RAB8B: variants seen among roughly 807,000 people sequenced by gnomAD.
RAB8B encodes the protein ras-related protein Rab-8B.
RAB8B carries 11 observed loss-of-function variants against 32.0 expected under a neutral mutation model. The observed-to-expected ratio is 0.34, with a 90% CI of 0.22 to 0.57. The LOEUF (loss-of-function observed/expected upper bound fraction) is 0.57, where lower values mean the gene tolerates loss of function less well. Among genes scored for constraint, RAB8B ranks in the 20% least tolerant of loss-of-function variants. The pLI is 0.86. For synonymous variants in RAB8B, 103 were observed against 89.6 expected (o/e 1.15, Z -0.85); for missense variants, 190 against 258.5 (o/e 0.73, Z 1.82).
rs1217220656 is a variant in RAB8B, at chr15:63,266,475, G to C, written c.*2856G>C. 6.6e-6 allele frequency: 1 copy of C among 152,486 alleles called. No individual in the cohort carries two copies. Among genetic ancestry groups the C allele is most frequent in the Non-Finnish European group, 1.5e-5 (1 of 67,956 alleles). 9.4% of individuals were successfully genotyped at this position (152,486 alleles called of 1,614,324 possible). A position where few individuals can be genotyped will look rare whatever the true frequency, so the allele number is the denominator to read the frequency against. On this transcript the variant is annotated 3_prime_UTR_variant, in exon 8 of 8. Coordinates refer to ENST00000321437, the MANE Select transcript of RAB8B (RefSeq NM_016530.3). ...TACAGAAACATTTTGTGCAGTCTTT[G>C]TTATAAATTTTCAGAAGACTATACT...
Position 63,263,942 on chromosome 15 carries a change from C to A in RAB8B, c.*323C>A. On this transcript the variant is annotated 3_prime_UTR_variant, in exon 8 of 8. Coordinates refer to ENST00000321437, the MANE Select transcript of RAB8B (RefSeq NM_016530.3). ...CAGTGTTAGCCTTTCCCTATTTCAG[C>A]ACAATCTTAGACTCATATTTGCACA... is the stretch of plus-strand genomic sequence containing the variant. 1 of 225,204 alleles carries A rather than the reference C, an allele frequency of 4.4e-6. No individual in the cohort carries two copies. The highest frequency in any genetic ancestry group is 1.0e-4 in the East Asian group (1 of 9,996). The allele number at this position is 225,204 out of a possible 1,614,324, so 14.0% of individuals were successfully genotyped here.
chr15:63,191,408 G>C (rs192319805), intron 1 of RAB8B, among the ~76,000 whole-genome samples: 5 of 152,184 alleles, frequency 3.3e-5, no homozygotes, highest in Admixed American at 6.5e-5. Flanking sequence ...AAAATCTCCT[G>C]GGTGTTATGA....
At chr15:63,243,284 T>C (rs11852328) in intron 1 of RAB8B, among the ~76,000 whole-genome samples, 138,282 of 152,264 alleles carry the variant, frequency 0.91, 63,543 homozygotes, top group East Asian at 1. Context: ...AGTACTGGTC[T>C]GTGGCCCAGG....
chr15:63,253,390 G>A (rs910933748), intron 3 of RAB8B, among the ~76,000 whole-genome samples: 7 of 152,124 alleles, frequency 4.6e-5, no homozygotes, highest in African/African-American at 1.7e-4. Context: ...AGCCAGACCT[G>A]GAAGGACTTC....
chr15:63,225,164 T>C (rs1457402560), intron 1 of RAB8B, among the ~76,000 whole-genome samples: 3 of 152,238 alleles, frequency 2.0e-5, no homozygotes, highest in African/African-American at 7.2e-5. Context: ...GCAGCTGCAC[T>C]ACCAAAGTTT....
chr15:63,249,637 T>C lies in RAB8B; in HGVS notation c.186-8T>C, dbSNP rs1300712952. On this transcript the variant is annotated splice_region_variant and splice_polypyrimidine_tract_variant and intron_variant, in intron 2 of 7. Coordinates refer to ENST00000321437, the MANE Select transcript of RAB8B (RefSeq NM_016530.3). ...TCAAAAACCACTCTCCTTTGTTTCA[T>C]ATTTTAGGGACACAGCGGGTCAGGA... is the stretch of plus-strand genomic sequence containing the variant. 2.5e-6 allele frequency: 4 copies of C among 1,613,480 alleles called. No homozygotes were observed. The highest frequency in any genetic ancestry group is 3.4e-6 in the Non-Finnish European group (4 of 1,179,580).
At chr15:63,192,054 G>A (rs1049936560) in intron 1 of RAB8B, among the ~76,000 whole-genome samples, 2 of 152,260 alleles carry the variant, frequency 1.3e-5, no homozygotes, top group East Asian at 3.9e-4. Context: ...TGACATCTTG[G>A]TCTTTATATT....
chr15:63,267,587 T>C lies in RAB8B; in HGVS notation c.*3968T>C, dbSNP rs1289887531. 1.3e-5 allele frequency: 2 copies of C among 152,196 alleles called. No homozygotes were observed. Among genetic ancestry groups the C allele is most frequent in the Non-Finnish European group, 1.5e-5 (1 of 68,034 alleles). The allele number at this position is 152,196 out of a possible 1,614,324, so 9.4% of individuals were successfully genotyped here. ...ATGTTTAAACATATTTTATTTTTGC[T>C]CCAATGGCTTAATGTGAAAAGCTCC... is the stretch of plus-strand genomic sequence containing the variant. On this transcript the variant is annotated 3_prime_UTR_variant, in exon 8 of 8. Coordinates refer to ENST00000321437, the MANE Select transcript of RAB8B (RefSeq NM_016530.3).
intron 4 of RAB8B, among the ~76,000 whole-genome samples, chr15:63,255,978 C>A (rs2038155902): frequency 6.6e-6 from 1 of 152,194 alleles, no homozygotes; most frequent in African/African-American, 2.4e-5. Context: ...TATCTCTTTA[C>A]CTTGGCAACT....
intron 3 of RAB8B, among the ~76,000 whole-genome samples, chr15:63,250,179 A>G (rs1020279030): frequency 1.3e-5 from 2 of 152,228 alleles, no homozygotes; most frequent in Non-Finnish European, 2.9e-5. Flanking sequence ...TAGCAACTAT[A>G]TACTTTGCCA....
In RAB8B at chr15:63,241,556, G is replaced by A. The variant is rs115382246; in HGVS notation, c.125-3200G>A. On this transcript the variant is annotated intron_variant, in intron 1 of 7. Transcript: ENST00000321437. ...GTTCACACTGTGGTGCAACTGATCC[G>A]TAGAACTATTTCATCTTGCAAATCT... Among the ~76,000 whole-genome samples, 826 of 152,210 alleles carry A rather than the reference G, an allele frequency of 5.4e-3. 8 individuals are homozygous for A. Among genetic ancestry groups the A allele is most frequent in the African/African-American group, 0.018 (759 of 41,522 alleles).
intron 1 of RAB8B, among the ~76,000 whole-genome samples, chr15:63,244,002 GT>G (rs1244481456): frequency 1.3e-5 from 2 of 152,144 alleles, no homozygotes; most frequent in Non-Finnish European, 2.9e-5. Context: ...ACTCACTCCT[GT>G]GATAAGGACA....
At chr15:63,211,424 ATC>A (rs2037745593) in intron 1 of RAB8B, among the ~76,000 whole-genome samples, 1 of 152,208 alleles carries the variant, frequency 6.6e-6, no homozygotes, top group Non-Finnish European at 1.5e-5. Flanking sequence ...TGTGTTCACC[ATC>A]TCTCTCATTG....
intron 1 of RAB8B, among the ~76,000 whole-genome samples, chr15:63,223,488 C>T (rs1284364076): frequency 6.6e-6 from 1 of 152,108 alleles, no homozygotes; most frequent in Non-Finnish European, 1.5e-5. Flanking sequence ...AAATACTTAC[C>T]ATTGTGTTAC....
chr15:63,249,302 G>A (rs981134742), intron 2 of RAB8B, among the ~76,000 whole-genome samples: 3 of 152,098 alleles, frequency 2.0e-5, no homozygotes, highest in Non-Finnish European at 4.4e-5. Flanking sequence ...TAACTATCTC[G>A]GGGAGTCGAA....
intron 1 of RAB8B, among the ~76,000 whole-genome samples, chr15:63,235,867 G>T (rs1344538439): frequency 6.6e-6 from 1 of 151,706 alleles, no homozygotes; most frequent in East Asian, 1.9e-4. Flanking sequence ...TACTCTACTT[G>T]TATACCAAGG....
At chr15:63,227,594 C>A (rs1403004648) in intron 1 of RAB8B, among the ~76,000 whole-genome samples, 1 of 152,108 alleles carries the variant, frequency 6.6e-6, no homozygotes, top group Non-Finnish European at 1.5e-5. Flanking sequence ...GGTTGTTTTC[C>A]TCAACCGTTC....
At chr15:63,227,273 A>G (rs750346282) in intron 1 of RAB8B, among the ~76,000 whole-genome samples, 3 of 152,038 alleles carry the variant, frequency 2.0e-5, no homozygotes, top group Non-Finnish European at 4.4e-5. Flanking sequence ...TGTTGTATGT[A>G]TTTCCTGACC....
At chr15:63,231,651 C>T (rs965173310) in intron 1 of RAB8B, among the ~76,000 whole-genome samples, 2 of 152,106 alleles carry the variant, frequency 1.3e-5, no homozygotes, top group African/African-American at 2.4e-5. Context: ...TTTCCTGCTA[C>T]AAAGGTACAC....
Sources: gnomAD v4.1 joint callset for allele counts (sites outside exome capture counted in the v4.1 genomes callset) on GRCh38, gnomAD v4.1.1 for gene constraint, MANE v1.5 for transcripts, NCBI Gene and HGNC (gene_info 2026-07-23, HGNC 2026-07-21) for gene names.